Variants in ANAPC10 observed in about 807,000 individuals in gnomAD.
ANAPC10 encodes the protein anaphase promoting complex subunit 10.
Under a neutral mutation model 22.0 loss-of-function variants are expected in ANAPC10, and 12 were observed. That is an observed-to-expected ratio of 0.55 (90% CI 0.35 to 0.88). The LOEUF is 0.88. Ranked by LOEUF, ANAPC10 falls within the 40% of genes least tolerant of loss-of-function variation. The probability of loss-of-function intolerance (pLI) is 0.01; values close to 1 mark genes in which losing one functional copy is unlikely to be tolerated. For synonymous variants in ANAPC10, 65 were observed against 69.5 expected, an observed-to-expected ratio of 0.94 and a Z score of 0.32; for missense variants, 188 against 220.9, an observed-to-expected ratio of 0.85 and a Z score of 0.94.
At chr4:145,007,156 T>C (rs1232286764) in intron 4 of ANAPC10, among the ~76,000 whole-genome samples, 1 of 152,046 alleles carries the variant, frequency 6.6e-6, no homozygotes, top group Non-Finnish European at 1.5e-5. Flanking sequence ...CTTAGAGACA[T>C]ACAAAGAGAC....
intron 3 of ANAPC10, among the ~76,000 whole-genome samples, chr4:145,068,143 T>A (rs1043740502): frequency 6.6e-6 from 1 of 152,208 alleles, no homozygotes; most frequent in African/African-American, 2.4e-5. Context: ...CAGGCTCCTC[T>A]TACACGAAGA....
intron 4 of ANAPC10, among the ~76,000 whole-genome samples, chr4:144,996,767 G>A (rs934467447): frequency 3.9e-5 from 6 of 152,134 alleles, no homozygotes; most frequent in Admixed American, 3.9e-4. Context: ...GGCTTCAGAT[G>A]ATCAGAAATA....
intron 3 of ANAPC10, among the ~76,000 whole-genome samples, chr4:145,080,451 A>C (rs543616032): frequency 6.6e-6 from 1 of 152,352 alleles, no homozygotes; most frequent in South Asian, 2.1e-4. Context: ...GTGTAGGGCC[A>C]CCTTTGTGCC....
chr4:145,042,938 T>C lies in ANAPC10; in HGVS notation c.327+21634A>G, dbSNP rs914474898. On this transcript the variant is annotated intron_variant, in intron 4 of 4. Transcript: ENST00000507656. Reference sequence around the variant, plus strand: ...TGTCTAAAAAAAAAACAAAATAAAGTGTTTTTAATTCTTCTTTTCAAACGA... The same window carrying C: ...TGTCTAAAAAAAAAACAAAATAAAGCGTTTTTAATTCTTCTTTTCAAACGA... Among the ~76,000 whole-genome samples, 7 of 151,124 alleles carry C rather than the reference T, an allele frequency of 4.6e-5. No homozygotes were observed. In the East Asian group the frequency reaches 1.4e-3, roughly 29 times the overall value.
chr4:145,097,691 C>A (rs1050706619), intron 1 of ANAPC10: 2 of 431,564 alleles, frequency 4.6e-6, no homozygotes, highest in Admixed American at 5.3e-5. Flanking sequence ...CACTTGCCTG[C>A]AAGTTAGGTG....
At chr4:145,004,275 A>G (rs886517633) in intron 4 of ANAPC10, among the ~76,000 whole-genome samples, 4 of 151,928 alleles carry the variant, frequency 2.6e-5, no homozygotes, top group African/African-American at 9.7e-5. Flanking sequence ...GTCTAGCATC[A>G]TATCATCTGC....
chr4:145,009,520 C>T (rs1560816870), intron 4 of ANAPC10, among the ~76,000 whole-genome samples: 2 of 152,102 alleles, frequency 1.3e-5, no homozygotes, highest in African/African-American at 4.8e-5. Context: ...TAATACCACA[C>T]ATCTACAACC....
chr4:145,049,057 C>CTCTACTGTAGTCTAT (rs1334686491), intron 4 of ANAPC10, among the ~76,000 whole-genome samples: 1 of 152,180 alleles, frequency 6.6e-6, no homozygotes, highest in East Asian at 1.9e-4. Flanking sequence ...TATGCTCACA[C>CTCTACTGTAGTCTAT]TCTACTGTAG....
intron 1 of ANAPC10, 176 bp downstream of exon 1, chr4:145,097,944 C>T (rs562099261): frequency 4.9e-5 from 10 of 205,826 alleles, no homozygotes; most frequent in African/African-American, 2.1e-4. Context: ...GCCGTGTCGG[C>T]ACCAGACTCT....
chr4:145,053,791 A>G, intron 4 of ANAPC10: 1 of 653,380 alleles, frequency 1.5e-6, no homozygotes, highest in South Asian at 1.7e-5. Flanking sequence ...CTGAAAAAAA[A>G]AAAAGGTTCC....
intron 4 of ANAPC10, among the ~76,000 whole-genome samples, chr4:145,014,853 G>A (rs905367244): frequency 6.6e-6 from 1 of 152,100 alleles, no homozygotes; most frequent in Non-Finnish European, 1.5e-5. Context: ...TCTACAGCTC[G>A]GCTCTCAGGA....
chr4:145,098,071 G>C (rs1162478432), intron 1 of ANAPC10, 49 bp downstream of exon 1: 5 of 154,358 alleles, frequency 3.2e-5, no homozygotes, highest in Admixed American at 6.4e-5. Flanking sequence ...GAATGCATCT[G>C]TTTACGCTAG....
chr4:145,053,337 C>A (rs1252471856), intron 4 of ANAPC10, among the ~76,000 whole-genome samples: 1 of 152,132 alleles, frequency 6.6e-6, no homozygotes, highest in Non-Finnish European at 1.5e-5. Flanking sequence ...CCTACTATTG[C>A]CTCATACTTA....
chr4:145,009,393 G>C (rs922034049), intron 4 of ANAPC10, among the ~76,000 whole-genome samples: 2 of 152,100 alleles, frequency 1.3e-5, no homozygotes, highest in Non-Finnish European at 2.9e-5. Context: ...TAAGCAAAAA[G>C]AACAAAGCTG....
At chr4:145,017,238 T>C (rs1355570360) in intron 4 of ANAPC10, among the ~76,000 whole-genome samples, 3 of 152,048 alleles carry the variant, frequency 2.0e-5, no homozygotes, top group Non-Finnish European at 2.9e-5. Context: ...AAAGGGCTAA[T>C]ATCCAGAATC....
At chr4:144,996,527 A>C (rs1490261509) in intron 4 of ANAPC10, among the ~76,000 whole-genome samples, 2 of 151,928 alleles carry the variant, frequency 1.3e-5, no homozygotes, top group Non-Finnish European at 2.9e-5. Context: ...AGAAGACCAC[A>C]CTCCCCACAG....
At chr4:145,065,336 C>T (rs1579086193) in intron 3 of ANAPC10, among the ~76,000 whole-genome samples, 1 of 151,798 alleles carries the variant, frequency 6.6e-6, no homozygotes, top group South Asian at 2.1e-4. Context: ...ATGTGTTCAA[C>T]GTCTAATAAT....
chr4:145,008,895 T>C (rs1053621517), intron 4 of ANAPC10, among the ~76,000 whole-genome samples: 4 of 152,212 alleles, frequency 2.6e-5, no homozygotes, highest in South Asian at 2.1e-4. Context: ...GAGGAAGTCA[T>C]ATTGTCCCTG....
chr4:145,037,802 C>T (rs546751327), intron 4 of ANAPC10, among the ~76,000 whole-genome samples: 1 of 151,944 alleles, frequency 6.6e-6, no homozygotes, highest in South Asian at 2.1e-4. Context: ...CAAAAATTAG[C>T]AGAGCATGGT....
Sources: allele counts gnomAD v4.1 joint callset (sites outside exome capture counted in the v4.1 genomes callset), GRCh38; gene constraint gnomAD v4.1.1; transcripts MANE v1.5; gene names NCBI Gene and HGNC (gene_info 2026-07-23, HGNC 2026-07-21).